SGMS1: variants seen among roughly 807,000 people sequenced by gnomAD.
SGMS1 encodes the protein sphingomyelin synthase 1.
SGMS1 carries 13 observed loss-of-function variants against 46.2 expected under a neutral mutation model. That is an observed-to-expected ratio of 0.28 (90% CI 0.18 to 0.45). SGMS1 has a LOEUF of 0.45. Ranked by LOEUF, SGMS1 falls within the 20% of genes least tolerant of loss-of-function variation. The probability of loss-of-function intolerance (pLI) is 1.00; values close to 1 mark genes in which losing one functional copy is unlikely to be tolerated. For missense variants in SGMS1, 324 were observed against 519.9 expected (o/e 0.62, Z 3.66); for synonymous variants, 203 against 187.8 (o/e 1.08, Z -0.66).
At chr10:50,504,574 G>A (rs1286003672) in intron 3 of SGMS1, among the ~76,000 whole-genome samples, 1 of 152,172 alleles carries the variant, frequency 6.6e-6, no homozygotes, top group East Asian at 1.9e-4. Flanking sequence ...CAATTCTCCA[G>A]GAAGAAGGAT....
Position 50,329,090 on chromosome 10 carries a change from T to A in SGMS1, c.624-1768A>T, listed in dbSNP as rs76596160. 9.9e-3 allele frequency among the ~76,000 whole-genome samples: 1,514 copies of A among 152,310 alleles called. 16 individuals carry two copies. The highest frequency in any genetic ancestry group is 0.035 in the African/African-American group (1,435 of 41,574). On this transcript the variant is annotated intron_variant, in intron 7 of 10. Coordinates refer to ENST00000361781, the MANE Select transcript of SGMS1 (RefSeq NM_147156.4). ...AGAGGAAGAAAAATAAAATTATTGC[T>A]TTTGCTAAAGATTACTATCTTAAAA...
chr10:50,592,129 C>T (rs892666319), intron 1 of SGMS1, among the ~76,000 whole-genome samples: 5 of 152,116 alleles, frequency 3.3e-5, no homozygotes, highest in Non-Finnish European at 7.3e-5. Context: ...TGCCTCACAA[C>T]CCAGAACACT....
intron 6 of SGMS1, among the ~76,000 whole-genome samples, chr10:50,365,912 C>G (rs1028896646): frequency 6.6e-6 from 1 of 152,032 alleles, no homozygotes; most frequent in Admixed American, 6.6e-5. Context: ...TGTCTTTATA[C>G]TAGAATGATT....
intron 6 of SGMS1, among the ~76,000 whole-genome samples, chr10:50,397,772 T>C (rs1848868452): frequency 6.6e-6 from 1 of 152,232 alleles, no homozygotes; most frequent in South Asian, 2.1e-4. Flanking sequence ...TTCAGAGGTA[T>C]TGAAGATAAA....
At chr10:50,594,489 GT>G (rs1438121410) in intron 1 of SGMS1, among the ~76,000 whole-genome samples, 1 of 152,072 alleles carries the variant, frequency 6.6e-6, no homozygotes, top group Non-Finnish European at 1.5e-5. Context: ...ATCTATGTGT[GT>G]TTTTTTAAAC....
chr10:50,529,464 A>G (rs1837933492), intron 2 of SGMS1, among the ~76,000 whole-genome samples: 1 of 152,192 alleles, frequency 6.6e-6, no homozygotes, highest in Admixed American at 6.5e-5. Context: ...ATGTAGAGGA[A>G]AAAGGTGTGA....
intron 6 of SGMS1, among the ~76,000 whole-genome samples, chr10:50,360,838 C>T (rs1219875311): frequency 1.3e-5 from 2 of 152,116 alleles, no homozygotes; most frequent in African/African-American, 4.8e-5. Flanking sequence ...TTCTAATTTG[C>T]TCCTCATTTA....
chr10:50,405,725 T>C (rs1849005228), intron 6 of SGMS1, among the ~76,000 whole-genome samples: 2 of 152,248 alleles, frequency 1.3e-5, no homozygotes, highest in Non-Finnish European at 2.9e-5. Context: ...AAATCCCAAA[T>C]TGAATTATTT....
chr10:50,325,603 C>CT (rs1203811238), intron 8 of SGMS1, among the ~76,000 whole-genome samples: 1 of 152,196 alleles, frequency 6.6e-6, no homozygotes, highest in Non-Finnish European at 1.5e-5. Context: ...CTCAAGCTGA[C>CT]TATGTAAGAA....
chr10:50,453,812 GGAGGA>G (rs1222996400), intron 5 of SGMS1, among the ~76,000 whole-genome samples: 2 of 31,862 alleles, frequency 6.3e-5, no homozygotes, highest in African/African-American at 1.1e-4. Context: ...AAGGAGGGAG[GGAGGA>G]AGGGAGGGAG....
At chr10:50,352,203 T>G (rs1848030569) in intron 6 of SGMS1, among the ~76,000 whole-genome samples, 1 of 152,196 alleles carries the variant, frequency 6.6e-6, no homozygotes, top group South Asian at 2.1e-4. Flanking sequence ...TATTCAGTAC[T>G]TCAAAGGTCA....
At chr10:50,595,100 T>C (rs1223430709) in intron 1 of SGMS1, among the ~76,000 whole-genome samples, 2 of 152,150 alleles carry the variant, frequency 1.3e-5, no homozygotes, top group African/African-American at 4.8e-5. Context: ...GGCCCTGCAA[T>C]GGTGATGATA....
At chr10:50,320,186 C>G (rs944594473) in intron 8 of SGMS1, among the ~76,000 whole-genome samples, 6 of 152,124 alleles carry the variant, frequency 3.9e-5, no homozygotes, top group African/African-American at 1.4e-4. Flanking sequence ...ACATGTCCCC[C>G]ACTCTGCCCT....
chr10:50,446,067 C>T (rs1203390), intron 5 of SGMS1, among the ~76,000 whole-genome samples: 31,398 of 152,034 alleles, frequency 0.21, 3,484 homozygotes, highest in Non-Finnish European at 0.25. Context: ...TTGGTCAGAC[C>T]GGTTGTCTGC....
chr10:50,317,794 ATTTC>A (rs1437904937), intron 8 of SGMS1, among the ~76,000 whole-genome samples: 6 of 142,838 alleles, frequency 4.2e-5, no homozygotes, highest in Non-Finnish European at 6.1e-5. Flanking sequence ...TATAAAAGTT[ATTTC>A]TTTCTTTTTT....
chr10:50,577,775 C>A (rs1838398403), intron 2 of SGMS1, among the ~76,000 whole-genome samples: 1 of 152,220 alleles, frequency 6.6e-6, no homozygotes, highest in Admixed American at 6.5e-5. Context: ...GTATCTTGGG[C>A]AAGCTTCCAT....
intron 8 of SGMS1, among the ~76,000 whole-genome samples, chr10:50,311,778 T>A (rs1449025458): frequency 1.3e-5 from 2 of 152,204 alleles, no homozygotes; most frequent in East Asian, 3.8e-4. Context: ...AAAATTTAAA[T>A]CTGTAGTCTA....
At chr10:50,539,755 T>G (rs555762686) in intron 2 of SGMS1, among the ~76,000 whole-genome samples, 1 of 152,344 alleles carries the variant, frequency 6.6e-6, no homozygotes, top group Admixed American at 6.5e-5. Context: ...TCTTGATGTT[T>G]TATATTCTAT....
intron 2 of SGMS1, among the ~76,000 whole-genome samples, chr10:50,540,165 A>G (rs1838039364): frequency 6.6e-6 from 1 of 152,262 alleles, no homozygotes; most frequent in Non-Finnish European, 1.5e-5. Context: ...AGGTCAATAC[A>G]AGGACCTAAA....
Sources: gnomAD v4.1 joint callset for allele counts (sites outside exome capture counted in the v4.1 genomes callset) on GRCh38, gnomAD v4.1.1 for gene constraint, MANE v1.5 for transcripts, NCBI Gene and HGNC (gene_info 2026-07-23, HGNC 2026-07-21) for gene names.